The following ZNF732 variants were observed in gnomAD, a reference collection of about 807,000 sequenced individuals.
ZNF732 encodes zinc finger protein LOC654254.
Under a neutral mutation model 11.5 loss-of-function variants are expected in ZNF732, and 12 were observed. That is an observed-to-expected ratio of 1.05 (90% confidence interval 0.67 to 1.70). The LOEUF (loss-of-function observed/expected upper bound fraction) is 1.70, where lower values mean the gene tolerates loss of function less well. ZNF732 is among the 40% of genes most tolerant of loss of function. The pLI is 0.00. For synonymous variants in ZNF732, 231 were observed against 236.5 expected (o/e 0.98, Z 0.21); for missense variants, 702 against 676.9 (o/e 1.04, Z -0.41).
chr4:275,792 A>G (rs1208854319), intron 3 of ZNF732, among the ~76,000 whole-genome samples: 2 of 151,794 alleles, frequency 1.3e-5, no homozygotes, highest in Non-Finnish European at 3.0e-5. Flanking sequence ...TGATGACATT[A>G]TACAACAAAA....
intron 1 of ZNF732, among the ~76,000 whole-genome samples, chr4:299,459 G>GTA (rs1286208522): frequency 2.6e-5 from 1 of 38,912 alleles, no homozygotes; most frequent in South Asian, 2.0e-3. Flanking sequence ...ATACACATAT[G>GTA]TGTATATATA....
intron 1 of ZNF732, among the ~76,000 whole-genome samples, chr4:302,299 CAAT>C (rs1219258662): frequency 6.6e-6 from 1 of 152,090 alleles, no homozygotes; most frequent in African/African-American, 2.4e-5. Context: ...AAAAACTCCA[CAAT>C]AATAGAGAAG....
At chr4:299,437 A>ATATATATATATATACACATATGTG (rs1209057938) in intron 1 of ZNF732, among the ~76,000 whole-genome samples, 6 of 11,914 alleles carry the variant, frequency 5.0e-4, no homozygotes, top group African/African-American at 2.8e-3. Flanking sequence ...ACATATGTGT[A>ATATATATATATATACACATATGTG]TATATATATA....
intron 2 of ZNF732, 122 bp from the exon 3 acceptor site, chr4:295,655 C>A: frequency 1.1e-6 from 1 of 890,552 alleles, no homozygotes. Context: ...AAAATTGTTT[C>A]CTGGCAGAAT....
At position 305,367 on chromosome 4, in the gene ZNF732, G is replaced by A. The variant is rs1455729239; in HGVS notation, c.-57C>T. On this transcript the variant is annotated 5_prime_UTR_variant, in exon 1 of 4. Coordinates refer to ENST00000419098, the MANE Select transcript of ZNF732 (RefSeq NM_001137608.3). ...GCTACGAATCATCCAATACCCGCAG[G>A]TCACAGAGCGACGGAGGCTGAGGCT... 8 of 1,604,556 alleles carry A rather than the reference G, an allele frequency of 5.0e-6. No homozygotes were observed. Among genetic ancestry groups the A allele is most frequent in the Admixed American group, 1.7e-5 (1 of 59,918 alleles).
chr4:273,604 A>T (rs1719434231), intron 3 of ZNF732, among the ~76,000 whole-genome samples: 1 of 151,944 alleles, frequency 6.6e-6, no homozygotes, highest in African/African-American at 2.4e-5. Context: ...TGAAAAATGC[A>T]AAATAAAGAC....
At chr4:298,433 A>G (rs2108660631) in intron 1 of ZNF732, among the ~76,000 whole-genome samples, 1 of 152,148 alleles carries the variant, frequency 6.6e-6, no homozygotes, top group Admixed American at 6.5e-5. Flanking sequence ...AAAAAACTAG[A>G]AACCTGGAGC....
At chr4:287,770 C>A (rs1455572538) in intron 3 of ZNF732, among the ~76,000 whole-genome samples, 1 of 152,030 alleles carries the variant, frequency 6.6e-6, no homozygotes, top group Non-Finnish European at 1.5e-5. Context: ...CAGCCTCCTG[C>A]CTTCAGATAT....
intron 1 of ZNF732, 44 bp from the exon 2 acceptor site, chr4:296,199 T>C: frequency 6.3e-7 from 1 of 1,599,162 alleles, no homozygotes; most frequent in Non-Finnish European, 8.5e-7. Context: ...TTAATTTGAC[T>C]ACAGGTGAAA....
chr4:302,002 CGAA>C (rs1219798761), intron 1 of ZNF732, among the ~76,000 whole-genome samples: 11 of 152,116 alleles, frequency 7.2e-5, no homozygotes, highest in Non-Finnish European at 1.5e-4. Flanking sequence ...GGCACACTGA[CGAA>C]GGAGGAATAA....
intron 3 of ZNF732, among the ~76,000 whole-genome samples, chr4:275,390 A>G (rs1440754008): frequency 6.6e-6 from 1 of 151,466 alleles, no homozygotes. Context: ...TATTGTAGTA[A>G]TAGAAACAAC....
At chr4:277,979 G>A (rs1719536146) in intron 3 of ZNF732, among the ~76,000 whole-genome samples, 1 of 152,120 alleles carries the variant, frequency 6.6e-6, no homozygotes, top group Non-Finnish European at 1.5e-5. Context: ...CAATCCAAGT[G>A]TCCAAAACTT....
At chr4:298,524 A>C (rs755088908) in intron 1 of ZNF732, among the ~76,000 whole-genome samples, 2 of 152,148 alleles carry the variant, frequency 1.3e-5, no homozygotes, top group Non-Finnish European at 2.9e-5. Flanking sequence ...TTCCTCTAAA[A>C]TGGGAGCAGA....
intron 3 of ZNF732, among the ~76,000 whole-genome samples, chr4:286,590 G>A (rs2108656354): frequency 1.3e-5 from 2 of 152,350 alleles, no homozygotes; most frequent in South Asian, 4.1e-4. Flanking sequence ...GATATCTAAA[G>A]TAGTTAAATG....
chr4:295,445 T>C lies in ZNF732; in HGVS notation c.219A>G (p.Lys73=), dbSNP rs1719926998. 1 of 1,605,478 alleles carries C rather than the reference T, an allele frequency of 6.2e-7. No homozygotes were observed. Residue 73 remains lysine (K), a synonymous_variant, in exon 3 of 4, where the codon AAA becomes AAG. Transcript: ENST00000419098. ...TCATTCACTGTCACCTACCTGGGTG[T>C]TTGGCTACTGTCTCATGTATCTTCA... ...YKVKIHETVA[K]HPAVCSHFTQ... is the part of the protein sequence containing the mutation.
chr4:303,878 A>G (rs185602968), intron 1 of ZNF732, among the ~76,000 whole-genome samples: 58 of 152,310 alleles, frequency 3.8e-4, no homozygotes, highest in Non-Finnish European at 6.3e-4. Flanking sequence ...GAAAGGAGCT[A>G]TCAAGAGTCA....
rs782704345 is a variant in ZNF732, at chr4:272,460, A to G, written c.397T>C (p.Leu133=). Residue 133 remains leucine (L), a synonymous_variant, in exon 4 of 4, where the codon TTG becomes CTG. Transcript: ENST00000419098. The part of the protein sequence containing the change: ...KGGYNEFNQC[L]STIQSKIFQC... ...AATATTTTGCTCTGGATAGTTGACAAGCATTGATTAAATTCATTATAACCT... is the reference window on the plus strand; with the variant it reads ...AATATTTTGCTCTGGATAGTTGACAGGCATTGATTAAATTCATTATAACCT... 1.2e-6 allele frequency: 2 copies of G among 1,601,142 alleles called. No individual in the cohort carries two copies. Among genetic ancestry groups the G allele is most frequent in the Admixed American group, 3.5e-5 (2 of 57,730 alleles).
chr4:299,536 T>C (rs1410339117), intron 1 of ZNF732, among the ~76,000 whole-genome samples: 5 of 135,844 alleles, frequency 3.7e-5, no homozygotes, highest in Non-Finnish European at 6.2e-5. Flanking sequence ...TATATATACA[T>C]ATATACACAT....
At chr4:275,731 TACTC>T (rs782710355) in intron 3 of ZNF732, among the ~76,000 whole-genome samples, 3 of 151,792 alleles carry the variant, frequency 2.0e-5, no homozygotes, top group South Asian at 2.1e-4. Flanking sequence ...AATGAAATAT[TACTC>T]AGTTTGTAAA....
Sources: allele counts gnomAD v4.1 joint callset (sites outside exome capture counted in the v4.1 genomes callset), GRCh38; gene constraint gnomAD v4.1.1; transcripts MANE v1.5; gene names NCBI Gene and HGNC (gene_info 2026-07-23, HGNC 2026-07-21).